Variants in UMODL1 observed in about 807,000 individuals in gnomAD.
UMODL1 encodes the protein uromodulin-like 1.
UMODL1 carries 128 observed loss-of-function variants against 136.3 expected under a neutral mutation model. The observed-to-expected ratio is 0.94, with a 90% confidence interval of 0.81 to 1.09. UMODL1 has a LOEUF of 1.09. Ranked by LOEUF, UMODL1 falls within the 50% of genes least tolerant of loss-of-function variation. UMODL1 has a pLI of 0.00. For synonymous variants in UMODL1, 721 were observed against 720.0 expected (o/e 1.00, Z -0.02); for missense variants, 1,766 against 1,725.6 (o/e 1.02, Z -0.41).
chr21:42,138,268 A>G (rs1006234196), intron 22 of UMODL1, among the ~76,000 whole-genome samples: 1 of 152,114 alleles, frequency 6.6e-6, no homozygotes, highest in African/African-American at 2.4e-5. Context: ...GACGCCCTCA[A>G]TTGCTGGTGG....
At chr21:42,076,803 T>C (rs891780194) in intron 2 of UMODL1, among the ~76,000 whole-genome samples, 7 of 152,178 alleles carry the variant, frequency 4.6e-5, no homozygotes, top group Non-Finnish European at 8.8e-5. Flanking sequence ...GCCCCGAGCC[T>C]ACCACCCTAA....
At chr21:42,079,237 G>A (rs968909725) in intron 2 of UMODL1, among the ~76,000 whole-genome samples, 1 of 152,204 alleles carries the variant, frequency 6.6e-6, no homozygotes, top group African/African-American at 2.4e-5. Context: ...ACCCTGGCCT[G>A]CTGCAGCAAA....
chr21:42,063,943 T>C lies in UMODL1; in HGVS notation c.-141+729T>C, dbSNP rs115712259. ...CTGCGGCCCCCCAGTTTCAGCAGAG[T>C]TTATTTGGGGTGAAAAACAAGAGAT... On this transcript the variant is annotated intron_variant, in intron 1 of 22. Transcript: ENST00000400424. 1.1e-3 allele frequency among the ~76,000 whole-genome samples: 171 copies of C among 152,098 alleles called. 1 individual carries two copies. The highest frequency in any genetic ancestry group is 3.8e-3 in the African/African-American group (158 of 41,482).
rs367849106 is a variant in UMODL1, at chr21:42,085,451, T to C, written c.603+39T>C. ...ACGGGGGCTGCCTGCACCCTCCTTG[T>C]GGCAGCTGCTCAGGCAGACCCAGGT... is the stretch of plus-strand genomic sequence containing the variant. On this transcript the variant is annotated intron_variant, in intron 4 of 22. Coordinates refer to ENST00000408910, the MANE Select transcript of UMODL1 (RefSeq NM_001004416.3). The surrounding 1 kb of genome is among the most constrained non-coding windows in gnomAD (Gnocchi z 4.5). 5.0e-6 allele frequency: 8 copies of C among 1,612,548 alleles called. No homozygotes were observed. The African/African-American group carries it at 9.3e-5, about 19-fold the overall frequency.
intron 9 of UMODL1, among the ~76,000 whole-genome samples, chr21:42,107,910 G>A (rs1601230792): frequency 6.6e-6 from 1 of 152,304 alleles, no homozygotes; most frequent in South Asian, 2.1e-4. Flanking sequence ...CCAGCTGCGG[G>A]GCCAGTGGGA....
chr21:42,124,995 C>T (rs966568778), intron 17 of UMODL1, among the ~76,000 whole-genome samples: 12 of 152,164 alleles, frequency 7.9e-5, no homozygotes, highest in African/African-American at 2.2e-4. Flanking sequence ...GAAGCAGCCC[C>T]GTCCCTGTGG....
chr21:42,077,003 G>A (rs1601176306), intron 2 of UMODL1, among the ~76,000 whole-genome samples: 1 of 2,012 alleles, frequency 5.0e-4, no homozygotes, highest in East Asian at 0.011. Flanking sequence ...CAGGGGAGGG[G>A]TGTGTGTGTG....
Position 42,109,687 on chromosome 21 carries a change from C to A in UMODL1, c.1645C>A (p.Arg549=). 2 of 1,603,636 alleles carry A rather than the reference C, an allele frequency of 1.2e-6. No individual in the cohort carries two copies. The highest frequency in any genetic ancestry group is 1.7e-6 in the Non-Finnish European group (2 of 1,179,942). The part of the protein sequence containing the change: ...TRDATPSRAG[R]ACEGDLVSPM... ...GGACGCCACCCCCTCCCGCGCAGGC[C>A]GGGCCTGTGAGGGTACGTGTCGACC... The change falls in exon 10 of 23, where the codon CGG becomes AGG. Residue 549 remains arginine, a synonymous_variant. Transcript: ENST00000408910.
rs2066419743 is a variant in UMODL1, at chr21:42,085,764, G to A, written c.603+352G>A. Reference sequence around the variant, plus strand: ...CCGAGCTCTTCCCTCACCACCCTCAGTCCCAATTTCTTCAAGTTCTGGCTC... The same window carrying A: ...CCGAGCTCTTCCCTCACCACCCTCAATCCCAATTTCTTCAAGTTCTGGCTC... On this transcript the variant is annotated intron_variant, in intron 4 of 22. Coordinates refer to ENST00000408910, the MANE Select transcript of UMODL1 (RefSeq NM_001004416.3). The surrounding 1 kb of genome is among the most constrained non-coding windows in gnomAD (Gnocchi z 4.5). 1.3e-5 allele frequency among the ~76,000 whole-genome samples: 2 copies of A among 152,248 alleles called. No individual in the cohort carries two copies. Among genetic ancestry groups the A allele is most frequent in the South Asian group, 2.1e-4 (1 of 4,830 alleles).
chr21:42,137,527 C>T lies in UMODL1; in HGVS notation c.3864C>T (p.Ala1288=), dbSNP rs200233807. ...TCTTCGTGCTGGTGGCGGGAACAGC[C>T]ACCCTTCTGATCGTGCGCTACCAGA... The part of the protein sequence containing the change: ...VAIFVLVAGT[A]TLLIVRYQRM... Residue 1288 remains alanine, a synonymous_variant, in exon 22 of 23, where the codon GCC becomes GCT. Transcript: ENST00000408910. 1.9e-3 allele frequency: 3,133 copies of T among 1,614,248 alleles called. 10 individuals are homozygous for T. The highest frequency in any genetic ancestry group is 2.3e-3 in the Non-Finnish European group (2,711 of 1,180,048).
At chr21:42,121,055 T>C in intron 15 of UMODL1, 32 bp from the exon 16 acceptor site, 1 of 1,594,830 alleles carries the variant, frequency 6.3e-7, no homozygotes, top group Non-Finnish European at 8.6e-7. Flanking sequence ...CCCAGGGATG[T>C]TCTTCTGTTT....
chr21:42,116,276 C>A (rs992162321), intron 14 of UMODL1, among the ~76,000 whole-genome samples: 1 of 151,576 alleles, frequency 6.6e-6, no homozygotes, highest in African/African-American at 2.4e-5. Context: ...ATCTCTTGAA[C>A]CCAGGAGGCA....
In UMODL1 at chr21:42,085,365, C is replaced by G; in HGVS notation, c.556C>G (p.Gln186Glu). The G allele has an allele frequency of 6.2e-7, 1 of 1,614,084 alleles. No homozygotes were observed. The highest frequency in any genetic ancestry group is 8.5e-7 in the Non-Finnish European group (1 of 1,179,988). The part of the protein sequence containing the change: ...LVKMDFKELQ[Q>E]VDPRLLNHMR... Reference sequence around the variant, plus strand: ...GAAAATGGACTTCAAGGAACTCCAGCAAGTGGACCCCAGGCTCCTGAACCA... The same window carrying G: ...GAAAATGGACTTCAAGGAACTCCAGGAAGTGGACCCCAGGCTCCTGAACCA... The change falls in exon 4 of 23, where the codon CAA (glutamine) becomes GAA (glutamate). Residue 186 changes from glutamine (Q) to glutamate (E), a missense_variant. Transcript: ENST00000408910. This position sits in a 1 kb window ranked among gnomAD's most constrained non-coding sequence, Gnocchi z 4.5.
At position 42,073,755 on chromosome 21, in the gene UMODL1, C is replaced by T. The variant is rs146046993; in HGVS notation, c.77-2250C>T. 3.0e-3 allele frequency among the ~76,000 whole-genome samples: 454 copies of T among 152,270 alleles called. 1 individual carries two copies. Among genetic ancestry groups the T allele is most frequent in the Non-Finnish European group, 5.0e-3 (338 of 68,024 alleles). On this transcript the variant is annotated intron_variant, in intron 1 of 22. Transcript: ENST00000408910. ...CTTCAGAGATGCTGCCCCAGTGGAGCGAATAAGGACAGCAGTGGTTTTGTG... is the reference window on the plus strand; with the variant it reads ...CTTCAGAGATGCTGCCCCAGTGGAGTGAATAAGGACAGCAGTGGTTTTGTG...
rs138231943 is a variant in UMODL1 at position 42,109,815 on chromosome 21, G to A, written c.1657+116G>A. The A allele has an allele frequency of 2.9e-4, 328 of 1,126,952 alleles. 1 individual carries two copies. The East Asian group carries it at 8.3e-3, about 29-fold the overall frequency. 69.8% of individuals were successfully genotyped at this position (1,126,952 alleles called of 1,614,324 possible). A position where few individuals can be genotyped will look rare whatever the true frequency, so the allele number is the denominator to read the frequency against. On this transcript the variant is annotated intron_variant, in intron 10 of 22. Transcript: ENST00000408910. Reference sequence around the variant, plus strand: ...CTGAGGACCTATGGTAATGTTAGGGGCCTACAGAAATGTTTTCATTTCAAT... The same window carrying A: ...CTGAGGACCTATGGTAATGTTAGGGACCTACAGAAATGTTTTCATTTCAAT...
intron 9 of UMODL1, among the ~76,000 whole-genome samples, chr21:42,106,976 A>G (rs894362410): frequency 1.3e-5 from 2 of 152,204 alleles, no homozygotes; most frequent in East Asian, 1.9e-4. Context: ...TCCAGCGTTC[A>G]GGGCTAACTC....
At position 42,110,990 on chromosome 21, in the gene UMODL1, C is replaced by T; in HGVS notation, c.1768C>T (p.Pro590Ser). The T allele has an allele frequency of 6.2e-7, 1 of 1,613,042 alleles. No homozygotes were observed. Among genetic ancestry groups the T allele is most frequent in the South Asian group, 1.1e-5 (1 of 90,798 alleles). The change falls in exon 11 of 23, where the codon CCC becomes TCC. Residue 590 changes from proline (P) to serine (S), a missense_variant. By Grantham distance (74) the Pro-to-Ser change is moderately conservative (BLOSUM62 -1). Coordinates refer to ENST00000408910, the MANE Select transcript of UMODL1 (RefSeq NM_001004416.3). Reference sequence around the variant, plus strand: ...CGGCCTAGAGAACTTCACCTTGTCACCCAGTCCTGGGTACCCTCAGGGCAC... The same window carrying T: ...CGGCCTAGAGAACTTCACCTTGTCATCCAGTCCTGGGTACCCTCAGGGCAC... ...ALGLENFTLS[P>S]SPGYPQGTPA...
At chr21:42,119,347 C>CCA in intron 15 of UMODL1, 23 bp downstream of exon 15, 1 of 1,607,528 alleles carries the variant, frequency 6.2e-7, no homozygotes, top group Non-Finnish European at 8.5e-7. Flanking sequence ...GGGATGGAGC[C>CCA]TCTCCCGTGT....
chr21:42,094,088 C>G, intron 6 of UMODL1: 1 of 393,444 alleles, frequency 2.5e-6, no homozygotes. Context: ...ATTCTATTTA[C>G]GGTTAGGTTT....
Sources: gnomAD v4.1 joint callset for allele counts (sites outside exome capture counted in the v4.1 genomes callset) on GRCh38, gnomAD v4.1.1 for gene constraint, Gnocchi (gnomAD v3.1) non-coding constraint, MANE v1.5 for transcripts, NCBI Gene and HGNC (gene_info 2026-07-23, HGNC 2026-07-21) for gene names.